PARN: variants seen among roughly 807,000 people sequenced by gnomAD.
PARN encodes the protein poly(A)-specific ribonuclease PARN.
Under a neutral mutation model 102.8 loss-of-function variants are expected in PARN, and 71 were observed. The ratio of observed to expected loss-of-function variants is 0.69; its 90% CI spans 0.57 to 0.84. PARN has a LOEUF of 0.84. Among genes scored for constraint, PARN ranks in the 40% least tolerant of loss-of-function variants. The probability of loss-of-function intolerance (pLI) is 0.00; values close to 1 mark genes in which losing one functional copy is unlikely to be tolerated. For synonymous variants in PARN, 261 were observed against 252.9 expected, an observed-to-expected ratio of 1.03 and a Z score of -0.30; for missense variants, 782 against 760.9, an observed-to-expected ratio of 1.03 and a Z score of -0.33.
At chr16:14,486,825 CATGTAGCAGGCTG>C (rs1056773775) in intron 21 of PARN, among the ~76,000 whole-genome samples, 2 of 152,218 alleles carry the variant, frequency 1.3e-5, no homozygotes, top group African/African-American at 4.8e-5. Context: ...TCAGAAGCAG[CATGTAGCAGGCTG>C]CTGGGTAAAA....
chr16:14,526,404 C>G (rs1440413317), intron 21 of PARN, among the ~76,000 whole-genome samples: 1 of 151,240 alleles, frequency 6.6e-6, no homozygotes, highest in African/African-American at 2.4e-5. Context: ...GTCTCAACCT[C>G]CTGACCTCGT....
intron 2 of PARN, among the ~76,000 whole-genome samples, 187 bp from the exon 3 acceptor site, chr16:14,628,438 C>G (rs1243491832): frequency 3.3e-5 from 5 of 152,152 alleles, no homozygotes. Context: ...TAATAATGAA[C>G]TTAGAGATGC....
At chr16:14,477,992 C>T (rs1293284142) in intron 22 of PARN, among the ~76,000 whole-genome samples, 1 of 152,066 alleles carries the variant, frequency 6.6e-6, no homozygotes, top group Non-Finnish European at 1.5e-5. Context: ...TCTGATTAAA[C>T]ATTCAAGTAT....
At chr16:14,444,087 G>T (rs1167863962) in intron 23 of PARN, among the ~76,000 whole-genome samples, 1 of 152,174 alleles carries the variant, frequency 6.6e-6, no homozygotes, top group Non-Finnish European at 1.5e-5. Flanking sequence ...AAATGAGCAA[G>T]CCAAATTGGC....
At chr16:14,451,869 CA>C (rs869041563) in intron 22 of PARN, among the ~76,000 whole-genome samples, 9,240 of 52,506 alleles carry the variant, frequency 0.18, 242 homozygotes, top group East Asian at 0.22. Flanking sequence ...AAAAAAAATA[CA>C]AAAAAAAAAA....
intron 21 of PARN, among the ~76,000 whole-genome samples, chr16:14,547,301 G>A (rs899556571): frequency 3.9e-5 from 6 of 152,036 alleles, no homozygotes; most frequent in Non-Finnish European, 8.8e-5. Context: ...GCAGGGAACC[G>A]CTTCCCAGCA....
chr16:14,470,321 G>A (rs758863409), intron 22 of PARN, among the ~76,000 whole-genome samples: 13 of 151,988 alleles, frequency 8.6e-5, no homozygotes, highest in African/African-American at 3.1e-4. Context: ...TGGAGACACT[G>A]AGAAACCTTT....
At chr16:14,450,287 T>C (rs1320000346) in intron 22 of PARN, among the ~76,000 whole-genome samples, 1 of 152,202 alleles carries the variant, frequency 6.6e-6, no homozygotes, top group Non-Finnish European at 1.5e-5. Context: ...CTGAACCCCT[T>C]AGTAGGCTTG....
intron 22 of PARN, among the ~76,000 whole-genome samples, chr16:14,451,229 T>C (rs1961430482): frequency 1.3e-5 from 2 of 152,218 alleles, no homozygotes; most frequent in Non-Finnish European, 2.9e-5. Context: ...AAGACCCTAC[T>C]GCCCATCTCC....
chr16:14,454,043 A>C (rs1489340058), intron 22 of PARN, among the ~76,000 whole-genome samples: 1 of 152,198 alleles, frequency 6.6e-6, no homozygotes, highest in East Asian at 1.9e-4. Flanking sequence ...TTTTTTGAAG[A>C]ATCTGTTGAA....
At chr16:14,569,002 A>C (rs553041717) in intron 18 of PARN, among the ~76,000 whole-genome samples, 2 of 152,196 alleles carry the variant, frequency 1.3e-5, no homozygotes, top group South Asian at 2.1e-4. Flanking sequence ...ACTTGAGGCC[A>C]AGAGTTCGAG....
rs191762396 is a variant in PARN, at chr16:14,613,646, G to A, written c.389-2837C>T. Reference sequence around the variant, plus strand: ...AAAACAACAATAACAACAAAGCCATGGGACACTAAGGAATTTGTAGAAAGA... The same window carrying A: ...AAAACAACAATAACAACAAAGCCATAGGACACTAAGGAATTTGTAGAAAGA... On this transcript the variant is annotated intron_variant, in intron 6 of 23. Transcript: ENST00000437198. 1.8e-3 allele frequency among the ~76,000 whole-genome samples: 270 copies of A among 152,150 alleles called. 1 individual carries two copies. Among genetic ancestry groups the A allele is most frequent in the African/African-American group, 6.1e-3 (254 of 41,508 alleles).
At chr16:14,604,296 T>C (rs1397246796) in intron 10 of PARN, 70 bp from the exon 11 acceptor site, 2 of 989,196 alleles carry the variant, frequency 2.0e-6, no homozygotes, top group African/African-American at 3.3e-5. Context: ...GTTTCGCTCT[T>C]GTTGCTCAGG....
intron 12 of PARN, among the ~76,000 whole-genome samples, chr16:14,598,712 T>C (rs1454477675): frequency 1.3e-5 from 2 of 152,152 alleles, no homozygotes; most frequent in Non-Finnish European, 2.9e-5. Flanking sequence ...CCAACCCTCT[T>C]CTTTTACAAG....
chr16:14,532,785 G>A (rs1301376070), intron 21 of PARN, among the ~76,000 whole-genome samples: 5 of 150,060 alleles, frequency 3.3e-5, no homozygotes, highest in Non-Finnish European at 5.9e-5. Flanking sequence ...CCTCCTGGAC[G>A]GGGCGGCTGG....
chr16:14,441,493 C>A (rs1182856254), intron 23 of PARN, among the ~76,000 whole-genome samples: 1 of 152,210 alleles, frequency 6.6e-6, no homozygotes, highest in Admixed American at 6.5e-5. Context: ...AGTGGACATC[C>A]GTACACAGGA....
intron 21 of PARN, among the ~76,000 whole-genome samples, chr16:14,483,043 C>T (rs1255689765): frequency 1.3e-5 from 2 of 152,128 alleles, no homozygotes; most frequent in African/African-American, 2.4e-5. Flanking sequence ...CCATTGCTCC[C>T]CAATCTCATT....
intron 21 of PARN, among the ~76,000 whole-genome samples, chr16:14,528,212 T>C (rs1248990955): frequency 2.0e-5 from 3 of 152,318 alleles, no homozygotes; most frequent in Admixed American, 6.5e-5. Flanking sequence ...ACATTCCTTA[T>C]GAACCTACTC....
At chr16:14,541,680 C>G (rs1567364911) in intron 21 of PARN, among the ~76,000 whole-genome samples, 1 of 151,952 alleles carries the variant, frequency 6.6e-6, no homozygotes, top group East Asian at 1.9e-4. Context: ...TTCTACCATG[C>G]TGGCCAGGCT....
Sources: gnomAD v4.1 joint callset for allele counts (sites outside exome capture counted in the v4.1 genomes callset) on GRCh38, gnomAD v4.1.1 for gene constraint, MANE v1.5 for transcripts, NCBI Gene and HGNC (gene_info 2026-07-23, HGNC 2026-07-21) for gene names.